The following SHOX variants were observed in gnomAD, a reference collection of about 807,000 sequenced individuals.
SHOX encodes the protein short stature homeobox protein.
SHOX carries 12 observed loss-of-function variants against 29.6 expected under a neutral mutation model. The ratio of observed to expected loss-of-function variants is 0.41; its 90% CI spans 0.26 to 0.66. SHOX has a LOEUF of 0.66. SHOX is among the 30% of genes least tolerant of loss of function. SHOX has a pLI of 0.35. For synonymous variants in SHOX, 214 were observed against 200.6 expected, an observed-to-expected ratio of 1.07 and a Z score of -0.57; for missense variants, 499 against 437.7, an observed-to-expected ratio of 1.14 and a Z score of -1.25.
chrX:651,172 A>G lies in SHOX; in HGVS notation c.*6536A>G. 11 of 408,140 alleles carry G rather than the reference A, an allele frequency of 2.7e-5. No homozygotes were observed. Among genetic ancestry groups the G allele is most frequent in the South Asian group, 2.0e-4 (11 of 56,134 alleles). 25.3% of individuals were successfully genotyped at this position (408,140 alleles called of 1,614,324 possible). A position where few individuals can be genotyped will look rare whatever the true frequency, so the allele number is the denominator to read the frequency against. The stretch of plus-strand genomic sequence containing the variant: ...TTTAATTATGTCGAGTGTAAATTTG[A>G]CATCGCGTTGCATTTATTTTTATAT... On this transcript the variant is annotated 3_prime_UTR_variant, in exon 5 of 5. Transcript: ENST00000686671.
At position 638,791 on chromosome X, in the gene SHOX, G is replaced by A. The variant is rs1249638064; in HGVS notation, c.487-2030G>A. Among the ~76,000 whole-genome samples, 13 of 152,344 alleles carry A rather than the reference G, an allele frequency of 8.5e-5. 1 individual carries two copies. The South Asian group carries it at 2.3e-3, about 27-fold the overall frequency. On this transcript the variant is annotated intron_variant, in intron 2 of 4. Coordinates refer to ENST00000686671, the MANE Select transcript of SHOX (RefSeq NM_000451.4). ...CAGTGTGTAAGGGTGGCTGTGGGCC[G>A]AGGGACCCAGCACGTGTTTTGCCCA...
Position 631,163 on chromosome X carries a change from G to C in SHOX, c.266G>C (p.Arg89Thr). 2 of 1,612,800 alleles carry C rather than the reference G, an allele frequency of 1.2e-6. No individual in the cohort carries two copies. The highest frequency in any genetic ancestry group is 1.7e-6 in the Non-Finnish European group (2 of 1,179,734). Residue 89 changes from arginine (R) to threonine (T), a missense_variant, in exon 1 of 5, where the codon AGA becomes ACA. By Grantham distance (71) the Arg-to-Thr change is moderately conservative. Transcript: ENST00000686671. ...AAACTGAAAGAATTCGGCACCGCGA[G>C]AGTGGCAGAAGGTAAGTTCCTTTGC... ...KEKLKEFGTARVAEGIYECKE... is the reference protein window; with the variant it reads ...KEKLKEFGTATVAEGIYECKE...
upstream of SHOX, among the ~76,000 whole-genome samples, chrX:626,811 CTT>C (rs753363601): frequency 6.3e-3 from 923 of 145,760 alleles, 12 homozygotes; most frequent in East Asian, 0.029. Context: ...CTCTGTCTCT[CTT>C]TCTCTCTCTC....
intron 4 of SHOX, among the ~76,000 whole-genome samples, chrX:644,021 T>A (rs1379969889): frequency 1.6e-5 from 1 of 63,994 alleles, no homozygotes; most frequent in Non-Finnish European, 3.9e-5. Flanking sequence ...GGACCTGGTG[T>A]CCCCGGGAGA....
downstream of SHOX, among the ~76,000 whole-genome samples, chrX:655,598 CTCTCTCTCTCTCTCTCTATATATATA>C (rs1469163501): frequency 1.5e-3 from 97 of 65,336 alleles, no homozygotes; most frequent in Admixed American, 3.5e-3. Context: ...CTCTCTCTCT[CTCTCTCTCTCTCTCTCTATATATATA>C]TATATATATA....
At chrX:655,568 GTCTCTCTCTCTCTCTCTC>G (rs1228178183), downstream of SHOX, among the ~76,000 whole-genome samples, 103 of 87,840 alleles carry the variant, frequency 1.2e-3, 2 homozygotes, top group Middle Eastern at 7.9e-3. Context: ...CTCTCTCTCT[GTCTCTCTCTCTCTCTCTC>G]TCTCTCTCTC....
intron 1 of SHOX, among the ~76,000 whole-genome samples, chrX:625,675 CTCT>C (rs1276208596): frequency 3.0e-5 from 4 of 135,188 alleles, no homozygotes; most frequent in African/African-American, 1.1e-4. Flanking sequence ...GTTCCTCTCT[CTCT>C]TTTTTTCTCT....
upstream of SHOX, among the ~76,000 whole-genome samples, chrX:630,007 G>A (rs2052618359): frequency 6.6e-6 from 1 of 152,144 alleles, no homozygotes; most frequent in African/African-American, 2.4e-5. Context: ...CTCGCGCCGG[G>A]GTCCGCCGGG....
chrX:630,562 C>A (rs2052628976), upstream of SHOX: 2 of 465,412 alleles, frequency 4.3e-6, no homozygotes, highest in Non-Finnish European at 7.8e-6. Flanking sequence ...CGCGCGCGCT[C>A]TCCCTTCCAA....
At chrX:636,141 A>ATG (rs1465667285) in intron 2 of SHOX, among the ~76,000 whole-genome samples, 2 of 149,020 alleles carry the variant, frequency 1.3e-5, no homozygotes, top group African/African-American at 4.9e-5. Context: ...CTCTATATAT[A>ATG]AACATATATA....
chrX:636,251 A>G (rs1264512504), intron 2 of SHOX, among the ~76,000 whole-genome samples: 1 of 145,284 alleles, frequency 6.9e-6, no homozygotes, highest in African/African-American at 2.5e-5. Flanking sequence ...AAACATATAT[A>G]ATATATAAAC....
chrX:655,942 C>T (rs965825470), downstream of SHOX, among the ~76,000 whole-genome samples: 3 of 151,326 alleles, frequency 2.0e-5, no homozygotes, highest in African/African-American at 7.3e-5. Flanking sequence ...CTCTGGGAGG[C>T]TGAGGCAGGA....
chrX:628,105 G>GCCTCTCTTTGTCTCTGTGTCCCCTGTC (rs1569492570), upstream of SHOX, among the ~76,000 whole-genome samples: 15 of 148,032 alleles, frequency 1.0e-4, no homozygotes, highest in African/African-American at 3.5e-4. Context: ...CCCTCTCTGT[G>GCCTCTCTTTGTCTCTGTGTCCCCTGTC]TCTCTGCCTC....
At chrX:658,523 T>G (rs906431237) in intron 5 of SHOX, among the ~76,000 whole-genome samples, 3 of 148,994 alleles carry the variant, frequency 2.0e-5, no homozygotes, top group East Asian at 2.0e-4. Flanking sequence ...CAGGCTGGAG[T>G]GCAGTGGCAC....
intron 1 of SHOX, among the ~76,000 whole-genome samples, chrX:634,404 G>A (rs2052704500): frequency 6.6e-6 from 1 of 152,202 alleles, no homozygotes; most frequent in African/African-American, 2.4e-5. Context: ...ATTCTGAGAT[G>A]AGGCCAAGAA....
At chrX:639,962 C>A (rs2124181002) in intron 2 of SHOX, among the ~76,000 whole-genome samples, 1 of 151,958 alleles carries the variant, frequency 6.6e-6, no homozygotes, top group Non-Finnish European at 1.5e-5. Flanking sequence ...GATCACACCA[C>A]TGCACTCCAG....
chrX:635,837 C>A (rs1471941729), intron 2 of SHOX, among the ~76,000 whole-genome samples: 9 of 144,220 alleles, frequency 6.2e-5, no homozygotes, highest in Non-Finnish European at 1.1e-4. Flanking sequence ...TGGTTCTGGG[C>A]AGGACAGAAG....
In SHOX at chrX:631,114, G is replaced by A; in HGVS notation, c.217G>A (p.Asp73Asn). The A allele has an allele frequency of 6.2e-7, 1 of 1,613,696 alleles. No individual in the cohort carries two copies. The highest frequency in any genetic ancestry group is 8.5e-7 in the Non-Finnish European group (1 of 1,179,852). ...CCACTGCCCGGTGCATTTGTTCAAG[G>A]ACCACGTAGACAATGACAAGGAGAA... is the stretch of plus-strand genomic sequence containing the variant. ...GGHCPVHLFK[D>N]HVDNDKEKLK... Residue 73 changes from aspartate (D) to asparagine (N), a missense_variant, in exon 1 of 5, where the codon GAC becomes AAC. Physicochemically the swap from Asp to Asn is conservative, Grantham distance 23. Coordinates refer to ENST00000686671, the MANE Select transcript of SHOX (RefSeq NM_000451.4).
chrX:634,509 C>A lies in SHOX; in HGVS notation c.278-109C>A, dbSNP rs934425630. On this transcript the variant is annotated intron_variant, in intron 1 of 4. Transcript: ENST00000686671. ...ACCCCACGCAGTTTTTGCGTCAAAG[C>A]GCATTGGTTTTCGAGGGCCCCCTTT... 5.8e-6 allele frequency: 7 copies of A among 1,198,850 alleles called. No individual in the cohort carries two copies. In the Admixed American group the frequency reaches 7.9e-5, roughly 14 times the overall value. The allele number at this position is 1,198,850 out of a possible 1,614,324, so 74.3% of individuals were successfully genotyped here.
Sources: allele counts gnomAD v4.1 joint callset (sites outside exome capture counted in the v4.1 genomes callset), GRCh38; gene constraint gnomAD v4.1.1; transcripts MANE v1.5; gene names NCBI Gene and HGNC (gene_info 2026-07-23, HGNC 2026-07-21).